TMEM176A: variants seen among roughly 807,000 people sequenced by gnomAD.
TMEM176A encodes hepatocellular carcinoma-associated antigen 112.
Under a neutral mutation model 27.9 loss-of-function variants are expected in TMEM176A, and 20 were observed. That is an observed-to-expected ratio of 0.72 (90% CI 0.50 to 1.04). The LOEUF is 1.04. Among genes scored for constraint, TMEM176A ranks in the 50% least tolerant of loss-of-function variants. The pLI is 0.00. For synonymous variants in TMEM176A, 125 were observed against 118.0 expected, an observed-to-expected ratio of 1.06 and a Z score of -0.38; for missense variants, 252 against 289.1, an observed-to-expected ratio of 0.87 and a Z score of 0.93.
Position 150,802,289 on chromosome 7 carries a change from C to G in TMEM176A, c.249C>G (p.Leu83=), listed in dbSNP as rs765136829. 1.7e-5 allele frequency: 28 copies of G among 1,613,950 alleles called. No individual in the cohort carries two copies. The highest frequency in any genetic ancestry group is 1.2e-4 in the Admixed American group (7 of 59,998). ...TCTACATCCGCGACTACACCCTCCT[C>G]GTCACCTCGGGAGCTGCCATCTGGA... is the stretch of plus-strand genomic sequence containing the variant. ...GFFYIRDYTL[L]VTSGAAIWTG... is the part of the protein sequence containing the mutation. The change falls in exon 3 of 7, where the codon CTC becomes CTG. Residue 83 remains leucine, a synonymous_variant. Transcript: ENST00000004103.
chr7:150,803,971 G>T, intron 5 of TMEM176A, 139 bp downstream of exon 5: 1 of 750,578 alleles, frequency 1.3e-6, no homozygotes, highest in Non-Finnish European at 2.1e-6. Flanking sequence ...CAAAGACAAA[G>T]CATCAGACAA....
intron 1 of TMEM176A, 174 bp downstream of exon 1, chr7:150,801,002 G>T: frequency 1.0e-6 from 1 of 985,720 alleles, no homozygotes; most frequent in Non-Finnish European, 1.2e-6. Context: ...CCTCCGCACC[G>T]CAGCGCGGTC....
chr7:150,801,308 A>C, intron 1 of TMEM176A: 1 of 481,232 alleles, frequency 2.1e-6, no homozygotes, highest in Non-Finnish European at 3.6e-6. Flanking sequence ...ATCTTGGGCG[A>C]AAGGGGAGGT....
In TMEM176A at chr7:150,802,283, C is replaced by T. The variant is rs1798825558; in HGVS notation, c.243C>T (p.Thr81=). 1.2e-6 allele frequency: 2 copies of T among 1,614,018 alleles called. No individual in the cohort carries two copies. Among genetic ancestry groups the T allele is most frequent in the South Asian group, 1.1e-5 (1 of 91,068 alleles). Residue 81 remains threonine (T), a synonymous_variant, in exon 3 of 7, where the codon ACC becomes ACT. Transcript: ENST00000004103. ...GATTTTTCTACATCCGCGACTACAC[C>T]CTCCTCGTCACCTCGGGAGCTGCCA... ...LGGFFYIRDY[T]LLVTSGAAIW...
At position 150,802,291 on chromosome 7, in the gene TMEM176A, T is replaced by A; in HGVS notation, c.251T>A (p.Val84Asp). 1 of 1,614,098 alleles carries A rather than the reference T, an allele frequency of 6.2e-7. No individual in the cohort carries two copies. The highest frequency in any genetic ancestry group is 8.5e-7 in the Non-Finnish European group (1 of 1,180,012). ...FFYIRDYTLLVTSGAAIWTGA... is the reference protein window; with the variant it reads ...FFYIRDYTLLDTSGAAIWTGA... The stretch of plus-strand genomic sequence containing the variant: ...TACATCCGCGACTACACCCTCCTCG[T>A]CACCTCGGGAGCTGCCATCTGGACA... The change falls in exon 3 of 7, where the codon GTC becomes GAC. Residue 84 changes from valine (V) to aspartate (D), a missense_variant. Physicochemically the swap from Val to Asp is radical, Grantham distance 152 (BLOSUM62 -3). Coordinates refer to ENST00000004103, the MANE Select transcript of TMEM176A (RefSeq NM_018487.3).
chr7:150,802,484 G>A (rs1389034691), intron 3 of TMEM176A, 159 bp downstream of exon 3: 1 of 732,872 alleles, frequency 1.4e-6, no homozygotes, highest in Non-Finnish European at 2.2e-6. Context: ...AACAGCTGAG[G>A]GCGGTGGTGG....
At chr7:150,801,310 AG>A in intron 1 of TMEM176A, 1 of 480,748 alleles carries the variant, frequency 2.1e-6, no homozygotes, top group Non-Finnish European at 3.6e-6. Flanking sequence ...CTTGGGCGAA[AG>A]GGGAGGTTCC....
rs535966720 is a variant in TMEM176A at position 150,802,571 on chromosome 7, C to T, written c.285+246C>T. The stretch of plus-strand genomic sequence containing the variant: ...CACCAGGCTGGCTGCCTCTCCCTGC[C>T]TTCAACAGTTAATGTCAACTAAGGA... On this transcript the variant is annotated intron_variant, in intron 3 of 6. Transcript: ENST00000004103. 519 of 764,196 alleles carry T rather than the reference C, an allele frequency of 6.8e-4. 5 individuals carry two copies. The East Asian group carries it at 0.015, about 22-fold the overall frequency. 47.3% of individuals were successfully genotyped at this position (764,196 alleles called of 1,614,324 possible). A position where few individuals can be genotyped will look rare whatever the true frequency, so the allele number is the denominator to read the frequency against.
intron 3 of TMEM176A, chr7:150,802,675 G>C: frequency 9.3e-7 from 1 of 1,071,648 alleles, no homozygotes; most frequent in Non-Finnish European, 1.1e-6. Context: ...TGGTCCCCCA[G>C]GAAGCATCAC....
chr7:150,802,131 CCT>C, intron 2 of TMEM176A, 82 bp from the exon 3 acceptor site: 2 of 953,056 alleles, frequency 2.1e-6, no homozygotes, highest in Non-Finnish European at 3.4e-6. Context: ...TCTACCTCTC[CCT>C]CTCTTTTTGG....
rs750535260 is a variant in TMEM176A at position 150,802,297 on chromosome 7, C to T, written c.257C>T (p.Ser86Leu). 3 of 1,614,058 alleles carry T rather than the reference C, an allele frequency of 1.9e-6. No homozygotes were observed. The highest frequency in any genetic ancestry group is 2.5e-6 in the Non-Finnish European group (3 of 1,180,000). ...YIRDYTLLVTSGAAIWTGAVA... is the reference protein window; with the variant it reads ...YIRDYTLLVTLGAAIWTGAVA... ...CGCGACTACACCCTCCTCGTCACCT[C>T]GGGAGCTGCCATCTGGACAGGGGCT... The change falls in exon 3 of 7, where the codon TCG (serine) becomes TTG (leucine). Residue 86 changes from serine to leucine, a missense_variant. Ser to Leu is a moderately radical substitution (Grantham distance 145). Coordinates refer to ENST00000004103, the MANE Select transcript of TMEM176A (RefSeq NM_018487.3).
In TMEM176A at chr7:150,801,566, A is replaced by G. The variant is rs748045885; in HGVS notation, c.16A>G (p.Ser6Gly). 2 of 1,605,034 alleles carry G rather than the reference A, an allele frequency of 1.2e-6. No homozygotes were observed. Among genetic ancestry groups the G allele is most frequent in the Middle Eastern group, 1.7e-4 (1 of 6,014 alleles). MGTAD[S>G]DEMAPEAPQH... ...GTCCCTGACAATGGGAACAGCCGAC[A>G]GTGATGAGATGGCCCCGGAGGCCCC... The change falls in exon 2 of 7, where the codon AGT becomes GGT. Residue 6 changes from serine to glycine, a missense_variant. Ser to Gly is a moderately conservative substitution (Grantham distance 56, BLOSUM62 0). Transcript: ENST00000004103.
In TMEM176A at chr7:150,801,686, C is replaced by A; in HGVS notation, c.136C>A (p.Gln46Lys). 1 of 1,595,612 alleles carries A rather than the reference C, an allele frequency of 6.3e-7. No homozygotes were observed. The highest frequency in any genetic ancestry group is 8.5e-7 in the Non-Finnish European group (1 of 1,174,236). Reference sequence around the variant, plus strand: ...CTCTGCGCTGCGGCCCCGGGCCACCCAGGCCAGGGGCAGCAGCCGGCTGCT... The same window carrying A: ...CTCTGCGCTGCGGCCCCGGGCCACCAAGGCCAGGGGCAGCAGCCGGCTGCT... ...CCSALRPRAT[Q>K]ARGSSRLLVA... The change falls in exon 2 of 7, where the codon CAG becomes AAG. Residue 46 changes from glutamine (Q) to lysine (K), a missense_variant. Coordinates refer to ENST00000004103, the MANE Select transcript of TMEM176A (RefSeq NM_018487.3).
At position 150,802,114 on chromosome 7, in the gene TMEM176A, C is replaced by T. The variant is rs983619314; in HGVS notation, c.175-101C>T. 64 of 761,676 alleles carry T rather than the reference C, an allele frequency of 8.4e-5. No homozygotes were observed. The Admixed American group carries it at 1.3e-3, about 15-fold the overall frequency. 47.2% of individuals were successfully genotyped at this position (761,676 alleles called of 1,614,324 possible). A position where few individuals can be genotyped will look rare whatever the true frequency, so the allele number is the denominator to read the frequency against. Reference sequence around the variant, plus strand: ...CTCTTCTCTTCTCTTCTTTCTTTCTCTCTCTCTCTACCTCTCCCTCTCTTT... The same window carrying T: ...CTCTTCTCTTCTCTTCTTTCTTTCTTTCTCTCTCTACCTCTCCCTCTCTTT... On this transcript the variant is annotated intron_variant, in intron 2 of 6. Coordinates refer to ENST00000004103, the MANE Select transcript of TMEM176A (RefSeq NM_018487.3).
chr7:150,802,366 G>A (rs1411699313), intron 3 of TMEM176A, 41 bp downstream of exon 3: 2 of 1,546,778 alleles, frequency 1.3e-6, no homozygotes, highest in East Asian at 2.2e-5. Context: ...TGTGAGAGGG[G>A]TGGGGCATTG....
chr7:150,805,098 A>T lies in TMEM176A; in HGVS notation c.*230A>T. ...CTCCTGAGTAGTCATGTGATAATAA[A>T]CTCTCATGTTATTGTTCCCAGGTTC... On this transcript the variant is annotated 3_prime_UTR_variant, in exon 7 of 7. Transcript: ENST00000004103. 1 of 521,144 alleles carries T rather than the reference A, an allele frequency of 1.9e-6. No homozygotes were observed. The highest frequency in any genetic ancestry group is 3.4e-6 in the Non-Finnish European group (1 of 294,964). The allele number at this position is 521,144 out of a possible 1,614,324, so 32.3% of individuals were successfully genotyped here. A position where few individuals can be genotyped will look rare whatever the true frequency, so the allele number is the denominator to read the frequency against.
chr7:150,802,110 T>TTCTTTC, intron 2 of TMEM176A, 105 bp from the exon 3 acceptor site: 1 of 786,564 alleles, frequency 1.3e-6, no homozygotes, highest in Non-Finnish European at 2.2e-6. Context: ...TCTTCTTTCT[T>TTCTTTC]TCTCTCTCTC....
intron 3 of TMEM176A, 161 bp downstream of exon 3, chr7:150,802,486 C>A: frequency 2.7e-6 from 2 of 735,936 alleles, no homozygotes; most frequent in Middle Eastern, 3.9e-4. Flanking sequence ...CAGCTGAGGG[C>A]GGTGGTGGCA....
At chr7:150,801,204 A>C in intron 1 of TMEM176A, 3 of 200,096 alleles carry the variant, frequency 1.5e-5, no homozygotes, top group Non-Finnish European at 2.9e-5. Context: ...GGCCGCAGGA[A>C]GAGCCCGGGA....
Sources: allele counts gnomAD v4.1 joint callset, GRCh38; gene constraint gnomAD v4.1.1; transcripts MANE v1.5; gene names NCBI Gene and HGNC (gene_info 2026-07-23, HGNC 2026-07-21).